The following ABHD18 variants were observed in gnomAD, a reference collection of about 807,000 sequenced individuals.
ABHD18 encodes the protein cardiolipin-specific deacylase, mitochondrial.
A neutral mutation model predicts 65.9 loss-of-function variants in ABHD18; 55 were observed. The ratio of observed to expected loss-of-function variants is 0.84; its 90% confidence interval spans 0.67 to 1.05. The LOEUF (loss-of-function observed/expected upper bound fraction) is 1.05, where lower values mean the gene tolerates loss of function less well. Among genes scored for constraint, ABHD18 ranks in the 50% least tolerant of loss-of-function variants. The pLI is 0.00. For synonymous variants in ABHD18, 181 were observed against 180.2 expected (o/e 1.00, Z -0.04); for missense variants, 533 against 558.5 (o/e 0.95, Z 0.46).
intron 3 of ABHD18, among the ~76,000 whole-genome samples, chr4:127,986,849 A>G (rs948868987): frequency 1.3e-5 from 2 of 152,134 alleles, no homozygotes; most frequent in Non-Finnish European, 2.9e-5. Context: ...TCTTTGGAGA[A>G]CTGTCTTTTC....
chr4:128,012,703 AGAAG>A (rs1359441336), intron 7 of ABHD18, among the ~76,000 whole-genome samples: 2 of 152,136 alleles, frequency 1.3e-5, no homozygotes, highest in African/African-American at 4.8e-5. Flanking sequence ...TCAGCCACAG[AGAAG>A]GAAAAGTAAA....
chr4:128,030,744 G>T, intron 12 of ABHD18, 72 bp downstream of exon 12: 8 of 1,518,468 alleles, frequency 5.3e-6, no homozygotes, highest in African/African-American at 1.4e-5. Context: ...TTCAACAAAT[G>T]TAAAAGATCA....
At chr4:128,014,652 G>T (rs1755173351) in intron 7 of ABHD18, among the ~76,000 whole-genome samples, 1 of 152,132 alleles carries the variant, frequency 6.6e-6, no homozygotes, top group African/African-American at 2.4e-5. Context: ...TACTGACTGG[G>T]TGCAGTGGCT....
chr4:127,966,971 A>G lies in ABHD18; in HGVS notation c.-18+1365A>G, dbSNP rs577088758. Among the ~76,000 whole-genome samples the G allele has an allele frequency of 2.0e-5, 3 of 152,122 alleles. No homozygotes were observed. The South Asian group carries it at 6.2e-4, about 32-fold the overall frequency. ...GACCTGATATTTTGTACTTGGATTC[A>G]GTCTTGCAGATTCATTTGTAACAGC... On this transcript the variant is annotated intron_variant, in intron 1 of 12. Coordinates refer to ENST00000645843, the MANE Select transcript of ABHD18 (RefSeq NM_001358451.3).
intron 4 of ABHD18, among the ~76,000 whole-genome samples, chr4:128,004,560 A>G (rs899623810): frequency 6.6e-6 from 1 of 152,200 alleles, no homozygotes; most frequent in Non-Finnish European, 1.5e-5. Context: ...AAAAACTTTA[A>G]ACTCATCTTA....
At chr4:127,982,137 T>C (rs369691364) in intron 1 of ABHD18, among the ~76,000 whole-genome samples, 6 of 152,190 alleles carry the variant, frequency 3.9e-5, no homozygotes, top group African/African-American at 4.8e-5. Flanking sequence ...TTAAAGCCCA[T>C]TGATGGAAAT....
chr4:128,031,493 A>C (rs1468553487), intron 12 of ABHD18, among the ~76,000 whole-genome samples: 1 of 152,152 alleles, frequency 6.6e-6, no homozygotes, highest in Non-Finnish European at 1.5e-5. Context: ...TTTATGCTAA[A>C]ACTATAATTT....
Position 128,009,016 on chromosome 4 carries a change from T to G in ABHD18, c.357+18T>G, listed in dbSNP as rs368923834. On this transcript the variant is annotated intron_variant, in intron 5 of 12. Transcript: ENST00000645843. ...GAGATCATGTAAGACTTTATTATAATGCCTTAATCTCTAGATAATTTGTTA... is the reference window on the plus strand; with the variant it reads ...GAGATCATGTAAGACTTTATTATAAGGCCTTAATCTCTAGATAATTTGTTA... 126 of 1,596,576 alleles carry G rather than the reference T, an allele frequency of 7.9e-5. No individual in the cohort carries two copies. In the African/African-American group the frequency reaches 1.6e-3, roughly 20 times the overall value.
intron 4 of ABHD18, among the ~76,000 whole-genome samples, chr4:127,993,693 T>C (rs1276538947): frequency 1.3e-5 from 2 of 152,184 alleles, no homozygotes. Context: ...AATTAATCAG[T>C]GAATATGCAG....
chr4:128,018,397 C>T (rs944889118), intron 8 of ABHD18, among the ~76,000 whole-genome samples: 1 of 152,054 alleles, frequency 6.6e-6, no homozygotes, highest in African/African-American at 2.4e-5. Context: ...AGGTGTGGGC[C>T]ACTGCACCTG....
intron 12 of ABHD18, among the ~76,000 whole-genome samples, chr4:128,032,706 G>A (rs1253075801): frequency 6.6e-6 from 1 of 152,130 alleles, no homozygotes; most frequent in Non-Finnish European, 1.5e-5. Flanking sequence ...ATTCCAGCCT[G>A]GGTGACAGTG....
At chr4:128,017,621 G>A (rs1200025555) in intron 8 of ABHD18, 120 bp downstream of exon 8, 2 of 881,576 alleles carry the variant, frequency 2.3e-6, no homozygotes, top group Admixed American at 6.8e-5. Flanking sequence ...GTAGGAAGCA[G>A]AAACAGATTC....
In ABHD18 at chr4:128,030,363, A is replaced by G. The variant is rs147416353; in HGVS notation, c.1181-147A>G. ...ATCATTTTTAGAATATTTATCTCGT[A>G]CTGGAGATGAGTAAGGTAGCATATT... On this transcript the variant is annotated intron_variant, in intron 11 of 12. Coordinates refer to ENST00000645843, the MANE Select transcript of ABHD18 (RefSeq NM_001358451.3). The G allele has an allele frequency of 7.2e-4, 353 of 490,900 alleles. 1 individual carries two copies. Among genetic ancestry groups the G allele is most frequent in the Admixed American group, 1.0e-3 (24 of 23,830 alleles). The allele number at this position is 490,900 out of a possible 1,614,324, so 30.4% of individuals were successfully genotyped here.
chr4:128,001,628 A>G, intron 4 of ABHD18: 1 of 1,344,278 alleles, frequency 7.4e-7, no homozygotes, highest in Non-Finnish European at 1.0e-6. Context: ...ATACTTAGTT[A>G]ACCCCTTGCC....
At chr4:128,035,056 A>G (rs1758725318) in intron 12 of ABHD18, among the ~76,000 whole-genome samples, 1 of 152,232 alleles carries the variant, frequency 6.6e-6, no homozygotes, top group South Asian at 2.1e-4. Context: ...TAGTAAATGA[A>G]AAACATCTAT....
rs1560961048 is a variant in ABHD18, at chr4:128,038,930, C to T, written c.*3117C>T. ...TGTCTCAAAAAATATATATATATCC[C>T]TAAAACTACCTCAGTTGAAGAATTC... On this transcript the variant is annotated 3_prime_UTR_variant, in exon 13 of 13. Transcript: ENST00000645843. 6.6e-6 allele frequency: 1 copy of T among 151,650 alleles called. No individual in the cohort carries two copies. The highest frequency in any genetic ancestry group is 1.5e-5 in the Non-Finnish European group (1 of 67,920). The allele number at this position is 151,650 out of a possible 1,614,324, so 9.4% of individuals were successfully genotyped here. A position where few individuals can be genotyped will look rare whatever the true frequency, so the allele number is the denominator to read the frequency against.
At chr4:128,015,456 C>A (rs1349820918) in intron 7 of ABHD18, among the ~76,000 whole-genome samples, 4 of 152,044 alleles carry the variant, frequency 2.6e-5, no homozygotes, top group Admixed American at 6.6e-5. Flanking sequence ...GAATTCAAGG[C>A]TCCCATACAA....
chr4:127,984,387 T>A lies in ABHD18; in HGVS notation c.141T>A (p.Asn47Lys). ...TTGGAAATCGGGAAAGATGCCAGAA[T>A]CTGGTTTCAAGCGATTATCCAGTAC... is the stretch of plus-strand genomic sequence containing the variant. ...KMIGNRERCQ[N>K]LVSSDYPVHI... The change falls in exon 3 of 13, where the codon AAT becomes AAA. Residue 47 changes from asparagine (N) to lysine (K), a missense_variant. Asn to Lys is a moderately conservative substitution (Grantham distance 94). Transcript: ENST00000645843. 1 of 1,550,764 alleles carries A rather than the reference T, an allele frequency of 6.4e-7. No individual in the cohort carries two copies. Among genetic ancestry groups the A allele is most frequent in the Non-Finnish European group, 8.7e-7 (1 of 1,145,782 alleles).
intron 1 of ABHD18, among the ~76,000 whole-genome samples, chr4:127,969,996 G>T (rs1045355657): frequency 2.0e-5 from 3 of 151,776 alleles, no homozygotes; most frequent in Non-Finnish European, 4.4e-5. Context: ...CAGTCCTCCC[G>T]TCTTGGCCTC....
Sources: allele counts gnomAD v4.1 joint callset (sites outside exome capture counted in the v4.1 genomes callset), GRCh38; gene constraint gnomAD v4.1.1; transcripts MANE v1.5; gene names NCBI Gene and HGNC (gene_info 2026-07-23, HGNC 2026-07-21).